PTH2R: variants seen among roughly 807,000 people sequenced by gnomAD.
PTH2R encodes the protein PTH2 receptor.
Under a neutral mutation model 60.3 loss-of-function variants are expected in PTH2R, and 59 were observed. The ratio of observed to expected loss-of-function variants is 0.98; its 90% CI spans 0.79 to 1.22. The LOEUF is 1.22. Ranked by LOEUF, PTH2R falls within the 50% of genes most tolerant of loss-of-function variation. PTH2R has a pLI of 0.00. For missense variants in PTH2R, 749 were observed against 682.6 expected, an observed-to-expected ratio of 1.10 and a Z score of -1.08; for synonymous variants, 256 against 243.8, an observed-to-expected ratio of 1.05 and a Z score of -0.47.
intron 9 of PTH2R, among the ~76,000 whole-genome samples, chr2:208,475,849 A>G (rs2105900637): frequency 6.6e-6 from 1 of 152,308 alleles, no homozygotes; most frequent in South Asian, 2.1e-4. Context: ...TTTCTGGTCA[A>G]TAAACAGTTT....
Position 208,460,469 on chromosome 2 carries a change from C to G in PTH2R, c.981+508C>G, listed in dbSNP as rs532512549. Among the ~76,000 whole-genome samples the G allele has an allele frequency of 2.0e-5, 3 of 152,238 alleles. No individual in the cohort carries two copies. The South Asian group carries it at 6.2e-4, about 32-fold the overall frequency. On this transcript the variant is annotated intron_variant, in intron 9 of 12. Transcript: ENST00000272847. ...ATACCAAGAAGTATCCCACATAATT[C>G]TATCTAATAGGTATTAGATAGAATT... is the stretch of plus-strand genomic sequence containing the variant.
intron 1 of PTH2R, among the ~76,000 whole-genome samples, chr2:208,382,840 T>C (rs1295222686): frequency 2.6e-4 from 39 of 152,194 alleles, no homozygotes. Context: ...ACCAGCACAC[T>C]GTGATATTCT....
At chr2:208,376,237 T>C (rs1574817841) in intron 1 of PTH2R, among the ~76,000 whole-genome samples, 1 of 152,296 alleles carries the variant, frequency 6.6e-6, no homozygotes, top group Non-Finnish European at 1.5e-5. Flanking sequence ...CTGTATTGGT[T>C]GAAATCCTAG....
At chr2:208,449,124 C>T (rs1289116609) in intron 7 of PTH2R, among the ~76,000 whole-genome samples, 2 of 152,108 alleles carry the variant, frequency 1.3e-5, no homozygotes, top group African/African-American at 2.4e-5. Context: ...TTTTTGAAGA[C>T]AACCAAGATA....
chr2:208,367,333 C>A (rs1002125013), intron 1 of PTH2R, among the ~76,000 whole-genome samples: 1 of 151,936 alleles, frequency 6.6e-6, no homozygotes, highest in African/African-American at 2.4e-5. Context: ...ACCTCAGCCT[C>A]CCAAAGTGCT....
At chr2:208,405,399 T>C (rs1701383945), upstream of PTH2R, among the ~76,000 whole-genome samples, 1 of 152,186 alleles carries the variant, frequency 6.6e-6, no homozygotes, top group African/African-American at 2.4e-5. Context: ...CCCTCCGCAC[T>C]GATCAAGATA....
chr2:208,438,407 T>G (rs1043958157), intron 4 of PTH2R, among the ~76,000 whole-genome samples: 3 of 152,162 alleles, frequency 2.0e-5, no homozygotes, highest in Non-Finnish European at 4.4e-5. Context: ...TATATTAATT[T>G]CAGAGATGTG....
At chr2:208,391,941 C>T (rs2125883059) in intron 1 of PTH2R, among the ~76,000 whole-genome samples, 1 of 152,286 alleles carries the variant, frequency 6.6e-6, no homozygotes, top group South Asian at 2.1e-4. Context: ...TACTGCAAGA[C>T]CCTAACTTGA....
At chr2:208,369,346 T>C (rs1700649946) in intron 1 of PTH2R, among the ~76,000 whole-genome samples, 1 of 150,590 alleles carries the variant, frequency 6.6e-6, no homozygotes. Context: ...TGACCTTGTC[T>C]GTAAACAACA....
chr2:208,480,186 A>G (rs896974415), intron 9 of PTH2R, among the ~76,000 whole-genome samples: 1 of 152,218 alleles, frequency 6.6e-6, no homozygotes, highest in Non-Finnish European at 1.5e-5. Flanking sequence ...GAAATGATTG[A>G]GGATTCTGCC....
intron 6 of PTH2R, among the ~76,000 whole-genome samples, chr2:208,444,013 C>T (rs1351352801): frequency 6.6e-6 from 1 of 152,156 alleles, no homozygotes; most frequent in Non-Finnish European, 1.5e-5. Flanking sequence ...ATAATTCACT[C>T]AATTAGATCA....
chr2:208,466,151 C>CT (rs1282876219), intron 9 of PTH2R: 1 of 152,242 alleles, frequency 6.6e-6, no homozygotes, highest in African/African-American at 2.4e-5. Context: ...CAGGGGGAAT[C>CT]TAACGCTCAG....
chr2:208,404,934 G>C (rs1431981407), upstream of PTH2R, among the ~76,000 whole-genome samples: 1 of 152,192 alleles, frequency 6.6e-6, no homozygotes, highest in African/African-American at 2.4e-5. Context: ...TCACATCTGA[G>C]TTTGATGAAT....
intron 1 of PTH2R, among the ~76,000 whole-genome samples, chr2:208,386,862 A>G (rs1040645459): frequency 6.6e-6 from 1 of 152,172 alleles, no homozygotes; most frequent in Admixed American, 6.5e-5. Context: ...AAATACTATC[A>G]CACTGGGAAT....
At chr2:208,478,417 C>G (rs1017075320) in intron 9 of PTH2R, among the ~76,000 whole-genome samples, 12 of 152,078 alleles carry the variant, frequency 7.9e-5, no homozygotes, top group Non-Finnish European at 2.9e-5. Flanking sequence ...TTGCATGACT[C>G]TTGGTCCCTT....
At chr2:208,427,976 C>G (rs1453573620) in intron 1 of PTH2R, among the ~76,000 whole-genome samples, 1 of 151,392 alleles carries the variant, frequency 6.6e-6, no homozygotes, top group Non-Finnish European at 1.5e-5. Context: ...AATTTTCTCA[C>G]TTTTTCTGGT....
intron 9 of PTH2R, among the ~76,000 whole-genome samples, chr2:208,460,684 A>G (rs1313299531): frequency 6.6e-6 from 1 of 152,120 alleles, no homozygotes; most frequent in Non-Finnish European, 1.5e-5. Context: ...TTTACTCTTG[A>G]TCTTCTTTGA....
rs115683581 is a variant in PTH2R, at chr2:208,449,950, T to A, written c.854-799T>A. 9.8e-3 allele frequency among the ~76,000 whole-genome samples: 1,495 copies of A among 152,276 alleles called. 8 individuals carry two copies. Among genetic ancestry groups the A allele is most frequent in the Non-Finnish European group, 0.016 (1,067 of 68,014 alleles). On this transcript the variant is annotated intron_variant, in intron 7 of 12. Coordinates refer to ENST00000272847, the MANE Select transcript of PTH2R (RefSeq NM_005048.4). ...AACCACTTTCATAAAGGCCACATAA[T>A]GAAAAGTCATCTCTTAAGTCTTTCA...
At chr2:208,440,679 G>A (rs558869653) in intron 4 of PTH2R, among the ~76,000 whole-genome samples, 28 of 152,276 alleles carry the variant, frequency 1.8e-4, no homozygotes, top group African/African-American at 6.5e-4. Flanking sequence ...GGCTATTGAA[G>A]GGGACAAAGA....
Sources: gnomAD v4.1 joint callset for allele counts (sites outside exome capture counted in the v4.1 genomes callset) on GRCh38, gnomAD v4.1.1 for gene constraint, MANE v1.5 for transcripts, NCBI Gene and HGNC (gene_info 2026-07-23, HGNC 2026-07-21) for gene names.